The following THSD7B variants were observed in gnomAD, a reference collection of about 807,000 sequenced individuals.
THSD7B encodes thrombospondin type-1 domain-containing protein 7B.
Under a neutral mutation model 213.6 loss-of-function variants are expected in THSD7B, and 138 were observed. That is an observed-to-expected ratio of 0.65 (90% CI 0.56 to 0.74). THSD7B has a LOEUF of 0.74. THSD7B is among the 30% of genes least tolerant of loss of function. The pLI is 0.00. For missense variants in THSD7B, 1,931 were observed against 1,991.5 expected, an observed-to-expected ratio of 0.97 and a Z score of 0.58; for synonymous variants, 742 against 687.0, an observed-to-expected ratio of 1.08 and a Z score of -1.25.
intron 15 of THSD7B, among the ~76,000 whole-genome samples, chr2:137,529,133 C>T (rs1680334213): frequency 6.6e-6 from 1 of 152,036 alleles, no homozygotes; most frequent in East Asian, 1.9e-4. Flanking sequence ...CTTTCTAAGG[C>T]ACATTTCATT....
chr2:137,366,825 TCTATAA>T lies in THSD7B; in HGVS notation c.2501-38783_2501-38778del, dbSNP rs536991822. On this transcript the variant is annotated intron_variant, in intron 12 of 27. Coordinates refer to ENST00000409968, the MANE Select transcript of THSD7B (RefSeq NM_001316349.2). ...TAATATAGTACTAAAATATAGCATT[TCTATAA>T]CTATGTTTTCTCTTTCTGTTATTTC... Among the ~76,000 whole-genome samples, 271 of 152,286 alleles carry T rather than the reference TCTATAA, an allele frequency of 1.8e-3. 2 individuals carry two copies. Among genetic ancestry groups the T allele is most frequent in the Middle Eastern group, 0.01 (3 of 294 alleles).
At chr2:137,228,923 T>C (rs1268440166) in intron 7 of THSD7B, among the ~76,000 whole-genome samples, 1 of 152,202 alleles carries the variant, frequency 6.6e-6, no homozygotes, top group African/African-American at 2.4e-5. Flanking sequence ...AACAATTTCA[T>C]AGTTCTTTAA....
chr2:136,927,674 C>G (rs2217416), intron 2 of THSD7B, among the ~76,000 whole-genome samples: 54,442 of 152,094 alleles, frequency 0.36, 12,725 homozygotes, highest in Non-Finnish European at 0.53. Context: ...AATGTTGCGT[C>G]TGGGGAATGA....
Position 137,146,155 on chromosome 2 carries a change from C to T in THSD7B, c.1370-14058C>T, listed in dbSNP as rs115045192. ...GTTGTTTTTAAGTTTCCATGTTCTC[C>T]TCATGCACTAGAATGCTACCAGAAA... On this transcript the variant is annotated intron_variant, in intron 5 of 27. Coordinates refer to ENST00000409968, the MANE Select transcript of THSD7B (RefSeq NM_001316349.2). Among the ~76,000 whole-genome samples the T allele has an allele frequency of 1.6e-3, 237 of 152,180 alleles. 2 individuals are homozygous for T. The highest frequency in any genetic ancestry group is 5.2e-3 in the African/African-American group (216 of 41,538).
intron 1 of THSD7B, among the ~76,000 whole-genome samples, chr2:136,808,574 C>T (rs575519396): frequency 2.0e-5 from 3 of 152,300 alleles, no homozygotes; most frequent in East Asian, 1.9e-4. Flanking sequence ...CATATGTTTT[C>T]AATCAGTTGG....
intron 2 of THSD7B, among the ~76,000 whole-genome samples, chr2:136,980,121 A>G (rs1271323626): frequency 6.6e-6 from 1 of 152,148 alleles, no homozygotes; most frequent in Admixed American, 6.5e-5. Context: ...GCAGAACAGC[A>G]AGGATGGCTG....
chr2:137,184,059 TG>T (rs1478711413), intron 7 of THSD7B, among the ~76,000 whole-genome samples: 2 of 152,150 alleles, frequency 1.3e-5, no homozygotes. Context: ...CAGGCATTGG[TG>T]GTTCTCACAG....
At chr2:136,823,600 T>C (rs1039961976) in intron 1 of THSD7B, among the ~76,000 whole-genome samples, 19 of 152,206 alleles carry the variant, frequency 1.2e-4, no homozygotes, top group African/African-American at 4.3e-4. Flanking sequence ...AACTTTTACT[T>C]TTCATGACAT....
intron 5 of THSD7B, among the ~76,000 whole-genome samples, chr2:137,115,551 T>C (rs1372524497): frequency 6.6e-6 from 1 of 152,138 alleles, no homozygotes; most frequent in Non-Finnish European, 1.5e-5. Context: ...GTGTGTAGCA[T>C]AGATAAATGC....
At chr2:137,113,680 G>A (rs62172305) in intron 4 of THSD7B, among the ~76,000 whole-genome samples, 7 of 151,892 alleles carry the variant, frequency 4.6e-5, no homozygotes, top group South Asian at 2.1e-4. Flanking sequence ...CAGGTGATCC[G>A]CCCACCTCAG....
intron 15 of THSD7B, among the ~76,000 whole-genome samples, chr2:137,488,701 T>TATCA (rs1688530458): frequency 6.6e-6 from 1 of 152,234 alleles, no homozygotes; most frequent in African/African-American, 2.4e-5. Context: ...AGGCATCTTC[T>TATCA]ATCAATTTTT....
At chr2:137,642,299 T>A in intron 20 of THSD7B, 189 bp from the exon 21 acceptor site, 1 of 597,352 alleles carries the variant, frequency 1.7e-6, no homozygotes, top group Non-Finnish European at 2.8e-6. Context: ...CCTTTAAGCA[T>A]TGTGAAAACC....
At chr2:137,160,502 G>A (rs1454920237) in intron 6 of THSD7B, 134 bp downstream of exon 6, 7 of 1,210,958 alleles carry the variant, frequency 5.8e-6, no homozygotes, top group East Asian at 5.2e-5. Context: ...AAGCCTAACG[G>A]TATTCAGTTT....
intron 2 of THSD7B, among the ~76,000 whole-genome samples, chr2:137,001,121 G>A (rs539413588): frequency 3.3e-5 from 5 of 151,854 alleles, no homozygotes; most frequent in South Asian, 4.2e-4. Context: ...CATGTTTTAC[G>A]CTTCCCTGAT....
chr2:137,277,450 G>A (rs1179379883), intron 12 of THSD7B, among the ~76,000 whole-genome samples: 3 of 151,978 alleles, frequency 2.0e-5, no homozygotes, highest in Non-Finnish European at 4.4e-5. Flanking sequence ...AGTAGGATGG[G>A]TCTTCAATTT....
intron 3 of THSD7B, among the ~76,000 whole-genome samples, chr2:137,078,819 A>G (rs1687684279): frequency 6.6e-6 from 1 of 151,944 alleles, no homozygotes. Context: ...TTTTTTCCCA[A>G]AAATTCTATA....
chr2:136,989,155 T>C (rs1054882837), intron 2 of THSD7B, among the ~76,000 whole-genome samples: 1 of 152,162 alleles, frequency 6.6e-6, no homozygotes, highest in African/African-American at 2.4e-5. Flanking sequence ...GTTAGATGGG[T>C]ATTCCCAGTA....
At chr2:136,998,286 GAAAA>G (rs1380094691) in intron 2 of THSD7B, among the ~76,000 whole-genome samples, 8 of 130,060 alleles carry the variant, frequency 6.2e-5, no homozygotes, top group Non-Finnish European at 1.2e-4. Flanking sequence ...AAAAAAGAAA[GAAAA>G]AAAGAAAAGA....
chr2:137,284,866 T>A (rs933493488), intron 12 of THSD7B, among the ~76,000 whole-genome samples: 22 of 152,222 alleles, frequency 1.4e-4, no homozygotes, highest in African/African-American at 5.1e-4. Context: ...CTGAAAAGAA[T>A]GTATATTCTG....
Sources: gnomAD v4.1 joint callset for allele counts (sites outside exome capture counted in the v4.1 genomes callset) on GRCh38, gnomAD v4.1.1 for gene constraint, MANE v1.5 for transcripts, NCBI Gene and HGNC (gene_info 2026-07-23, HGNC 2026-07-21) for gene names.